The following CAMTA1 variants were observed in gnomAD, a reference collection of about 807,000 sequenced individuals.
CAMTA1 encodes the protein calmodulin binding transcription activator 1.
Under a neutral mutation model 170.9 loss-of-function variants are expected in CAMTA1, and 27 were observed. The ratio of observed to expected loss-of-function variants is 0.16; its 90% CI spans 0.12 to 0.22. The LOEUF (loss-of-function observed/expected upper bound fraction) is 0.22, where lower values mean the gene tolerates loss of function less well. Ranked by LOEUF, CAMTA1 falls within the 10% of genes least tolerant of loss-of-function variation. CAMTA1 has a pLI of 1.00. For synonymous variants in CAMTA1, 833 were observed against 891.5 expected, an observed-to-expected ratio of 0.93 and a Z score of 1.17; for missense variants, 1,619 against 2,217.2, an observed-to-expected ratio of 0.73 and a Z score of 5.42.
At chr1:7,134,329 C>G (rs536238117) in intron 4 of CAMTA1, among the ~76,000 whole-genome samples, 4 of 152,242 alleles carry the variant, frequency 2.6e-5, no homozygotes, top group African/African-American at 9.6e-5. Context: ...GGGTCTTGCT[C>G]TGTCACCCAG....
At chr1:7,605,559 CT>C (rs1054716863) in intron 6 of CAMTA1, among the ~76,000 whole-genome samples, 5 of 152,188 alleles carry the variant, frequency 3.3e-5, no homozygotes, top group Non-Finnish European at 7.3e-5. Context: ...TGGGAGTGAC[CT>C]GATTTTCCAG....
chr1:7,176,731 G>A (rs554341858), intron 4 of CAMTA1, among the ~76,000 whole-genome samples: 1 of 152,272 alleles, frequency 6.6e-6, no homozygotes, highest in East Asian at 1.9e-4. Context: ...AGATGAATTG[G>A]GAGGCAGTAT....
chr1:7,706,936 G>T (rs1032525388), intron 11 of CAMTA1, among the ~76,000 whole-genome samples: 1 of 149,362 alleles, frequency 6.7e-6, no homozygotes, highest in South Asian at 2.1e-4. Flanking sequence ...GCCCAGGCTG[G>T]AGTGCAGTGG....
intron 6 of CAMTA1, among the ~76,000 whole-genome samples, chr1:7,587,293 A>G (rs1021613996): frequency 9.9e-5 from 15 of 151,934 alleles, no homozygotes; most frequent in African/African-American, 3.6e-4. Context: ...GGCCAGACAG[A>G]TACCCCCACC....
At chr1:7,703,279 G>A (rs2149522390) in intron 11 of CAMTA1, among the ~76,000 whole-genome samples, 1 of 152,134 alleles carries the variant, frequency 6.6e-6, no homozygotes, top group African/African-American at 2.4e-5. Flanking sequence ...TGGGGGGAGC[G>A]TGCAAGGGGT....
chr1:7,276,303 A>ATATATATATATATATATATATTTTTT, intron 5 of CAMTA1, among the ~76,000 whole-genome samples: 3 of 24,224 alleles, frequency 1.2e-4, no homozygotes, highest in African/African-American at 3.0e-4. Flanking sequence ...ATATATATAT[A>ATATATATATATATATATATATTTTTT]TTTTTTTTTT....
chr1:7,195,301 G>A lies in CAMTA1; in HGVS notation c.303-54190G>A, dbSNP rs1167362149. On this transcript the variant is annotated intron_variant, in intron 4 of 22. Coordinates refer to ENST00000303635, the MANE Select transcript of CAMTA1 (RefSeq NM_015215.4). This position sits in a 1 kb window ranked among gnomAD's most constrained non-coding sequence, Gnocchi z 4.1. ...ATGCACTCTGACCAGTGAAATGCAA[G>A]TGGAAATGACAAGTGCGACTTCATG... 6.6e-6 allele frequency among the ~76,000 whole-genome samples: 1 copy of A among 152,190 alleles called. No individual in the cohort carries two copies. Among genetic ancestry groups the A allele is most frequent in the Admixed American group, 6.5e-5 (1 of 15,282 alleles).
chr1:6,993,769 A>G (rs1232930442), intron 3 of CAMTA1, among the ~76,000 whole-genome samples: 1 of 152,084 alleles, frequency 6.6e-6, no homozygotes, highest in Non-Finnish European at 1.5e-5. Flanking sequence ...TAGACAGCCT[A>G]TAGTTTGGTC....
At chr1:7,501,550 A>G (rs1458405269) in intron 6 of CAMTA1, among the ~76,000 whole-genome samples, 1 of 151,992 alleles carries the variant, frequency 6.6e-6, no homozygotes, top group East Asian at 1.9e-4. Context: ...GCTGGGGTGC[A>G]GGCTTACCAA....
intron 5 of CAMTA1, among the ~76,000 whole-genome samples, chr1:7,410,829 T>C (rs1222173701): frequency 6.6e-6 from 1 of 152,120 alleles, no homozygotes; most frequent in Non-Finnish European, 1.5e-5. Flanking sequence ...GGCGCTCTGC[T>C]GGGAGATACT....
chr1:7,551,078 G>C (rs11120969), intron 6 of CAMTA1, among the ~76,000 whole-genome samples: 109,726 of 152,048 alleles, frequency 0.72, 40,785 homozygotes, highest in African/African-American at 0.91. Context: ...TGGCCTGGGA[G>C]AGCCAGTGTG....
At chr1:7,110,365 A>G (rs1251910984) in intron 4 of CAMTA1, among the ~76,000 whole-genome samples, 1 of 152,014 alleles carries the variant, frequency 6.6e-6, no homozygotes, top group South Asian at 2.1e-4. Context: ...ATTTTTAGCC[A>G]CTGTGCTTCA....
chr1:7,009,611 G>A (rs1014318235), intron 3 of CAMTA1, among the ~76,000 whole-genome samples: 22 of 152,218 alleles, frequency 1.4e-4, no homozygotes, highest in African/African-American at 4.3e-4. Flanking sequence ...ATCACACTGC[G>A]GCATCACGGA....
chr1:7,461,976 T>TCAC (rs2093100473), intron 5 of CAMTA1, among the ~76,000 whole-genome samples: 1 of 152,234 alleles, frequency 6.6e-6, no homozygotes, highest in African/African-American at 2.4e-5. Flanking sequence ...GCACAGGAAA[T>TCAC]CACACATATT....
At position 6,937,857 on chromosome 1, in the gene CAMTA1, G is replaced by A. The variant is rs112976611; in HGVS notation, c.234+112647G>A. 8.2e-5 allele frequency among the ~76,000 whole-genome samples: 12 copies of A among 145,610 alleles called. 1 individual carries two copies. The highest frequency in any genetic ancestry group is 2.6e-4 in the African/African-American group (10 of 39,166). ...CACTGTCATCACCATAATCATCACT[G>A]TCACCATCACCATTCACCACTTAAA... On this transcript the variant is annotated intron_variant, in intron 3 of 22. Transcript: ENST00000303635.
At chr1:6,886,338 A>T (rs1438066584) in intron 3 of CAMTA1, 2 of 377,248 alleles carry the variant, frequency 5.3e-6, no homozygotes, top group Non-Finnish European at 5.2e-6. Flanking sequence ...ATTTTATGTT[A>T]AAAAAAATGT....
chr1:6,914,401 C>T (rs977003038), intron 3 of CAMTA1, among the ~76,000 whole-genome samples: 1 of 152,202 alleles, frequency 6.6e-6, no homozygotes, highest in Non-Finnish European at 1.5e-5. Context: ...CACACCTGGC[C>T]ATCTCTGACT....
intron 3 of CAMTA1, among the ~76,000 whole-genome samples, chr1:7,056,874 A>G (rs1707402579): frequency 1.3e-5 from 2 of 152,088 alleles, no homozygotes; most frequent in South Asian, 4.2e-4. Flanking sequence ...GGGCCATGAG[A>G]GCCGATCGTC....
intron 6 of CAMTA1, among the ~76,000 whole-genome samples, chr1:7,602,639 T>C (rs1343129233): frequency 6.6e-6 from 1 of 152,240 alleles, no homozygotes; most frequent in East Asian, 1.9e-4. Flanking sequence ...GAAGGGTTTT[T>C]TGTGTCTCTA....
Sources: allele counts gnomAD v4.1 joint callset (sites outside exome capture counted in the v4.1 genomes callset), GRCh38; gene constraint gnomAD v4.1.1; non-coding constraint Gnocchi (gnomAD v3.1); transcripts MANE v1.5; gene names NCBI Gene and HGNC (gene_info 2026-07-23, HGNC 2026-07-21).